Variants in C7orf33 observed in about 807,000 individuals in gnomAD.
The protein encoded by C7orf33 is chromosome 7 open reading frame 33.
C7orf33 carries 15 observed loss-of-function variants against 13.4 expected under a neutral mutation model. The observed-to-expected ratio is 1.12, with a 90% CI of 0.75 to 1.72. The LOEUF (loss-of-function observed/expected upper bound fraction) is 1.72, where lower values mean the gene tolerates loss of function less well. Among genes scored for constraint, C7orf33 ranks in the 40% most tolerant of loss-of-function variants. C7orf33 has a pLI of 0.00. For synonymous variants in C7orf33, 73 were observed against 83.2 expected, an observed-to-expected ratio of 0.88 and a Z score of 0.67; for missense variants, 187 against 220.3, an observed-to-expected ratio of 0.85 and a Z score of 0.96.
At chr7:148,608,557 T>C (rs1796500653) in intron 1 of C7orf33, among the ~76,000 whole-genome samples, 1 of 152,028 alleles carries the variant, frequency 6.6e-6, no homozygotes, top group African/African-American at 2.4e-5. Context: ...GGCTCATGCC[T>C]GTAATCCCAG....
At chr7:148,598,664 A>G (rs1796370648) in intron 1 of C7orf33, among the ~76,000 whole-genome samples, 1 of 143,184 alleles carries the variant, frequency 7.0e-6, no homozygotes, top group Non-Finnish European at 1.5e-5. Flanking sequence ...CTCTATATAT[A>G]TATACACACA....
chr7:148,611,886 G>A (rs1463998457), intron 1 of C7orf33, among the ~76,000 whole-genome samples: 1 of 152,216 alleles, frequency 6.6e-6, no homozygotes, highest in East Asian at 1.9e-4. Flanking sequence ...TCCCCCTAGG[G>A]GTTTGAGCTG....
In C7orf33 at chr7:148,613,865, C is replaced by G. The variant is rs1177644882; in HGVS notation, c.205-177C>G. 2.6e-5 allele frequency among the ~76,000 whole-genome samples: 4 copies of G among 152,314 alleles called. No individual in the cohort carries two copies. In the East Asian group the frequency reaches 7.7e-4, roughly 29 times the overall value. On this transcript the variant is annotated intron_variant, in intron 1 of 2. Transcript: ENST00000307003. ...TTTAAAATTTTGGAACCAACTAATT[C>G]TAAAAGCAAATGTTGCCAAAATTTC...
At chr7:148,608,330 T>C (rs1208507346) in intron 1 of C7orf33, among the ~76,000 whole-genome samples, 1 of 151,696 alleles carries the variant, frequency 6.6e-6, no homozygotes, top group Non-Finnish European at 1.5e-5. Flanking sequence ...CTTGGGAAGC[T>C]GAGGCAGGAG....
At chr7:148,593,165 A>C (rs991357548) in intron 1 of C7orf33, among the ~76,000 whole-genome samples, 3 of 152,184 alleles carry the variant, frequency 2.0e-5, no homozygotes, top group Non-Finnish European at 4.4e-5. Flanking sequence ...TAATTAGATC[A>C]CTGGAAGATA....
chr7:148,611,074 TC>T (rs1796532071), intron 1 of C7orf33, among the ~76,000 whole-genome samples: 1 of 152,130 alleles, frequency 6.6e-6, no homozygotes. Flanking sequence ...TCCAGCGTGC[TC>T]CTTGCCAGAC....
At position 148,615,430 on chromosome 7, in the gene C7orf33, T is replaced by A. The variant is rs61164842; in HGVS notation, c.*29T>A. Reference sequence around the variant, plus strand: ...TTTTGCAGAATCTAAGAGTCACATCTCTAAATTTGTGTAGATTGTGAAATC... The same window carrying A: ...TTTTGCAGAATCTAAGAGTCACATCACTAAATTTGTGTAGATTGTGAAATC... On this transcript the variant is annotated 3_prime_UTR_variant, in exon 3 of 3. Transcript: ENST00000307003. 1.9e-3 allele frequency: 2,446 copies of A among 1,320,120 alleles called. 27 individuals carry two copies. In the African/African-American group the frequency reaches 0.026, roughly 14 times the overall value. The allele number at this position is 1,320,120 out of a possible 1,614,324, so 81.8% of individuals were successfully genotyped here.
intron 1 of C7orf33, among the ~76,000 whole-genome samples, chr7:148,608,768 G>A (rs577478287): frequency 8.5e-5 from 13 of 152,200 alleles, no homozygotes; most frequent in African/African-American, 2.9e-4. Flanking sequence ...AGTGAGCCAC[G>A]GTCACACCTC....
At chr7:148,606,406 G>A (rs1167428597) in intron 1 of C7orf33, among the ~76,000 whole-genome samples, 1 of 152,104 alleles carries the variant, frequency 6.6e-6, no homozygotes, top group Non-Finnish European at 1.5e-5. Context: ...ATTGCAGCGG[G>A]TGTGGAACCT....
intron 1 of C7orf33, among the ~76,000 whole-genome samples, chr7:148,596,900 T>C (rs1341752896): frequency 1.3e-5 from 2 of 152,222 alleles, no homozygotes; most frequent in Admixed American, 6.5e-5. Flanking sequence ...CATATATAGT[T>C]GGAATCCTAC....
chr7:148,610,746 C>T (rs916522705), intron 1 of C7orf33, among the ~76,000 whole-genome samples: 9 of 152,104 alleles, frequency 5.9e-5, no homozygotes, highest in African/African-American at 1.9e-4. Context: ...GGGGGACAAG[C>T]ATTCCTGGGT....
In C7orf33 at chr7:148,613,448, C is replaced by T. The variant is rs1202375997; in HGVS notation, c.205-594C>T. Among the ~76,000 whole-genome samples the T allele has an allele frequency of 7.2e-5, 11 of 152,166 alleles. No homozygotes were observed. In the South Asian group the frequency reaches 1.4e-3, roughly 20 times the overall value. On this transcript the variant is annotated intron_variant, in intron 1 of 2. Transcript: ENST00000307003. Reference sequence around the variant, plus strand: ...CCAAATGATGAATGGATAAATAATTCGTGGTCTACCTATATAATAAACTAT... The same window carrying T: ...CCAAATGATGAATGGATAAATAATTTGTGGTCTACCTATATAATAAACTAT...
intron 1 of C7orf33, among the ~76,000 whole-genome samples, chr7:148,604,820 A>G (rs1796455465): frequency 6.6e-6 from 1 of 152,204 alleles, no homozygotes; most frequent in Non-Finnish European, 1.5e-5. Flanking sequence ...TCCACCAATA[A>G]AAATATTTCC....
At chr7:148,597,967 G>A (rs1184987906) in intron 1 of C7orf33, among the ~76,000 whole-genome samples, 2 of 152,138 alleles carry the variant, frequency 1.3e-5, no homozygotes, top group Admixed American at 1.3e-4. Flanking sequence ...GTGTTAGCCA[G>A]GATGATCTCG....
chr7:148,604,782 A>G (rs1030632231), intron 1 of C7orf33, among the ~76,000 whole-genome samples: 4 of 152,382 alleles, frequency 2.6e-5, no homozygotes, highest in East Asian at 1.9e-4. Context: ...AGTTACTACA[A>G]GAAGAAAACA....
chr7:148,591,091 G>A lies in C7orf33; in HGVS notation c.166G>A (p.Gly56Ser). ...AVWVHVRGGP[G>S]QFNLSYATGR... The stretch of plus-strand genomic sequence containing the variant: ...TTGGGTCCACGTTAGGGGCGGTCCA[G>A]GTCAATTTAACTTGTCATATGCCAC... The change falls in exon 1 of 3, where the codon GGT (glycine) becomes AGT (serine). Residue 56 changes from glycine to serine, a missense_variant. Gly to Ser is a moderately conservative substitution (Grantham distance 56). Transcript: ENST00000307003. 1.2e-6 allele frequency: 2 copies of A among 1,613,538 alleles called. No homozygotes were observed. The highest frequency in any genetic ancestry group is 1.7e-6 in the Non-Finnish European group (2 of 1,179,884).
At chr7:148,609,928 CG>C (rs1796516098) in intron 1 of C7orf33, among the ~76,000 whole-genome samples, 1 of 152,096 alleles carries the variant, frequency 6.6e-6, no homozygotes, top group South Asian at 2.1e-4. Context: ...AAGTTAAAAA[CG>C]GAAGTACATC....
intron 1 of C7orf33, among the ~76,000 whole-genome samples, chr7:148,601,974 C>A (rs576481454): frequency 2.4e-4 from 36 of 152,170 alleles, no homozygotes; most frequent in African/African-American, 8.2e-4. Flanking sequence ...GTCTCAAACT[C>A]CTGGCCTCAA....
rs1796277135 is a variant in C7orf33 at position 148,592,069 on chromosome 7, G to A, written c.204+940G>A. Among the ~76,000 whole-genome samples the A allele has an allele frequency of 2.0e-5, 3 of 152,326 alleles. No homozygotes were observed. In the South Asian group the frequency reaches 6.2e-4, roughly 32 times the overall value. On this transcript the variant is annotated intron_variant, in intron 1 of 2. Coordinates refer to ENST00000307003, the MANE Select transcript of C7orf33 (RefSeq NM_145304.4). ...CTAATTTGTTTTCTCCCATGTTGCA[G>A]TTCCTGGCTTCTTCCCATTTGCCCA... is the stretch of plus-strand genomic sequence containing the variant.
Sources: gnomAD v4.1 joint callset for allele counts (sites outside exome capture counted in the v4.1 genomes callset) on GRCh38, gnomAD v4.1.1 for gene constraint, MANE v1.5 for transcripts, NCBI Gene and HGNC (gene_info 2026-07-23, HGNC 2026-07-21) for gene names.